CNTNAP4: variants seen among roughly 807,000 people sequenced by gnomAD.
The protein encoded by CNTNAP4 is contactin-associated protein-like 4.
A neutral mutation model predicts 148.4 loss-of-function variants in CNTNAP4; 98 were observed. The ratio of observed to expected loss-of-function variants is 0.66; its 90% confidence interval spans 0.56 to 0.78. The LOEUF (loss-of-function observed/expected upper bound fraction) is 0.78, where lower values mean the gene tolerates loss of function less well. Ranked by LOEUF, CNTNAP4 falls within the 30% of genes least tolerant of loss-of-function variation. The pLI is 0.00. For synonymous variants in CNTNAP4, 730 were observed against 565.1 expected, an observed-to-expected ratio of 1.29 and a Z score of -4.14; for missense variants, 1,935 against 1,565.6, an observed-to-expected ratio of 1.24 and a Z score of -3.98.
rs370076724 is a variant in CNTNAP4 at position 76,460,955 on chromosome 16, A to G, written c.1334-1001A>G. Among the ~76,000 whole-genome samples, 12 of 151,274 alleles carry G rather than the reference A, an allele frequency of 7.9e-5. No individual in the cohort carries two copies. In the South Asian group the frequency reaches 1.1e-3, roughly 13 times the overall value. On this transcript the variant is annotated intron_variant, in intron 8 of 23. Transcript: ENST00000611870. ...GAGCGTCTGTCACAACATTTTCTCA[A>G]TCAGTCAATACATAATCTTGTTTTA...
intron 2 of CNTNAP4, among the ~76,000 whole-genome samples, chr16:76,335,603 T>C (rs1963951625): frequency 6.6e-6 from 1 of 152,166 alleles, no homozygotes; most frequent in Non-Finnish European, 1.5e-5. Flanking sequence ...AGTGAGAGGC[T>C]GTATGGAATC....
chr16:76,560,617 T>A lies in CNTNAP4; in HGVS notation c.*1934T>A, dbSNP rs376795410. 7.9e-5 allele frequency among the ~76,000 whole-genome samples: 12 copies of A among 152,304 alleles called. No individual in the cohort carries two copies. The South Asian group carries it at 2.3e-3, about 29-fold the overall frequency. On this transcript the variant is annotated 3_prime_UTR_variant, in exon 24 of 24. Coordinates refer to ENST00000611870, the MANE Select transcript of CNTNAP4 (RefSeq NM_033401.5). ...TCTAGGGAGGTTTATTGGTGAAGCC[T>A]CACAGTCCTCTGTGGTCTGCACTGC...
chr16:76,402,886 G>C (rs1597432149), intron 3 of CNTNAP4, among the ~76,000 whole-genome samples: 1 of 152,032 alleles, frequency 6.6e-6, no homozygotes, highest in Non-Finnish European at 1.5e-5. Flanking sequence ...TGTTTTTATT[G>C]TGCGTGGTCT....
At chr16:76,512,579 A>G (rs760936819) in intron 15 of CNTNAP4, among the ~76,000 whole-genome samples, 5 of 152,178 alleles carry the variant, frequency 3.3e-5, no homozygotes, top group Admixed American at 3.3e-4. Context: ...AGAGAAATAT[A>G]AAGAGCCCAG....
At chr16:76,377,871 T>C (rs1020007624) in intron 3 of CNTNAP4, among the ~76,000 whole-genome samples, 1 of 152,200 alleles carries the variant, frequency 6.6e-6, no homozygotes, top group African/African-American at 2.4e-5. Flanking sequence ...GGTCCCAGAA[T>C]GTTCATTTGG....
intron 1 of CNTNAP4, among the ~76,000 whole-genome samples, chr16:76,287,088 T>G (rs1958919899): frequency 6.6e-6 from 1 of 152,164 alleles, no homozygotes; most frequent in Non-Finnish European, 1.5e-5. Flanking sequence ...CACTACCTCT[T>G]AAGTATCAAA....
At chr16:76,421,058 C>G (rs1034374455) in intron 3 of CNTNAP4, among the ~76,000 whole-genome samples, 1 of 151,958 alleles carries the variant, frequency 6.6e-6, no homozygotes, top group African/African-American at 2.4e-5. Context: ...CAGATTACAG[C>G]CAAGTTTGCA....
chr16:76,345,960 A>G (rs1452995862), intron 2 of CNTNAP4, among the ~76,000 whole-genome samples: 1 of 152,166 alleles, frequency 6.6e-6, no homozygotes, highest in Non-Finnish European at 1.5e-5. Flanking sequence ...AAAAATTATT[A>G]CAGTTGTCTA....
intron 3 of CNTNAP4, among the ~76,000 whole-genome samples, chr16:76,356,724 T>A (rs1490863742): frequency 6.6e-6 from 1 of 152,164 alleles, no homozygotes; most frequent in Non-Finnish European, 1.5e-5. Flanking sequence ...CACAGATAAT[T>A]TGGAAGCCTA....
At chr16:76,555,714 A>G (rs2085170165) in intron 23 of CNTNAP4, among the ~76,000 whole-genome samples, 1 of 152,246 alleles carries the variant, frequency 6.6e-6, no homozygotes. Flanking sequence ...TTGATAAGTC[A>G]TCCTAAAGTT....
chr16:76,427,637 C>A, intron 4 of CNTNAP4, 38 bp downstream of exon 4: 1 of 1,522,070 alleles, frequency 6.6e-7, no homozygotes, highest in Non-Finnish European at 8.8e-7. Flanking sequence ...ACATAGATAT[C>A]AAAAGAGATG....
chr16:76,430,759 G>A (rs2079578279), intron 4 of CNTNAP4, among the ~76,000 whole-genome samples: 5 of 152,152 alleles, frequency 3.3e-5, no homozygotes, highest in Non-Finnish European at 1.5e-5. Flanking sequence ...ACACCTCGCA[G>A]ACTGCTTCAT....
chr16:76,391,023 A>C (rs2016944728), intron 3 of CNTNAP4, among the ~76,000 whole-genome samples: 1 of 152,150 alleles, frequency 6.6e-6, no homozygotes, highest in Non-Finnish European at 1.5e-5. Flanking sequence ...AGCCAATTAC[A>C]ATCTTTAAGT....
chr16:76,431,617 T>G (rs1451774474), intron 4 of CNTNAP4, among the ~76,000 whole-genome samples: 1 of 152,144 alleles, frequency 6.6e-6, no homozygotes, highest in African/African-American at 2.4e-5. Context: ...AAGTGGAGGT[T>G]GCAGTGAACC....
chr16:76,387,157 C>T (rs1282575947), intron 3 of CNTNAP4, among the ~76,000 whole-genome samples: 2 of 152,080 alleles, frequency 1.3e-5, no homozygotes, highest in African/African-American at 4.8e-5. Flanking sequence ...TGTTTTTACC[C>T]ACAAATTTTT....
chr16:76,339,861 T>A (rs1023496054), intron 2 of CNTNAP4, among the ~76,000 whole-genome samples: 1 of 152,220 alleles, frequency 6.6e-6, no homozygotes, highest in African/African-American at 2.4e-5. Flanking sequence ...TAGCTATTAA[T>A]TTAACAAACA....
At chr16:76,278,049 G>A (rs1475320743) in intron 1 of CNTNAP4, among the ~76,000 whole-genome samples, 1 of 152,126 alleles carries the variant, frequency 6.6e-6, no homozygotes, top group East Asian at 1.9e-4. Flanking sequence ...ATCTTATCGG[G>A]GGAATAGCCT....
At chr16:76,476,081 G>A (rs954467600) in intron 11 of CNTNAP4, 36 bp downstream of exon 11, 2 of 1,441,648 alleles carry the variant, frequency 1.4e-6, no homozygotes, top group African/African-American at 2.8e-5. Flanking sequence ...TTGCCCCTGT[G>A]ATGGTTTCTT....
At chr16:76,434,594 C>G (rs573241744) in intron 4 of CNTNAP4, among the ~76,000 whole-genome samples, 1 of 152,314 alleles carries the variant, frequency 6.6e-6, no homozygotes, top group South Asian at 2.1e-4. Context: ...GTGGGAATCA[C>G]CACCCCTGCA....
Sources: gnomAD v4.1 joint callset for allele counts (sites outside exome capture counted in the v4.1 genomes callset) on GRCh38, gnomAD v4.1.1 for gene constraint, MANE v1.5 for transcripts, NCBI Gene and HGNC (gene_info 2026-07-23, HGNC 2026-07-21) for gene names.